Variants in SLC26A7 observed in about 807,000 individuals in gnomAD.
The protein encoded by SLC26A7 is solute carrier family 26 member 7.
In SLC26A7, 59 loss-of-function variants were observed where a neutral mutation model predicts 82.5. The ratio of observed to expected loss-of-function variants is 0.72; its 90% CI spans 0.58 to 0.89. SLC26A7 has a LOEUF of 0.89. Among genes scored for constraint, SLC26A7 ranks in the 40% least tolerant of loss-of-function variants. The pLI is 0.00. For missense variants in SLC26A7, 820 were observed against 793.0 expected (o/e 1.03, Z -0.41); for synonymous variants, 271 against 274.3 (o/e 0.99, Z 0.12).
intron 4 of SLC26A7, among the ~76,000 whole-genome samples, chr8:91,298,787 T>A (rs1812084231): frequency 6.6e-6 from 1 of 152,194 alleles, no homozygotes. Context: ...GCTATGTATG[T>A]GTATATCTGG....
intron 15 of SLC26A7, among the ~76,000 whole-genome samples, chr8:91,374,977 TA>T (rs1265167677): frequency 6.6e-6 from 1 of 152,122 alleles, no homozygotes; most frequent in East Asian, 1.9e-4. Context: ...TATCATTATA[TA>T]AGGCCCTTCT....
intron 2 of SLC26A7, among the ~76,000 whole-genome samples, chr8:91,235,189 G>T (rs1463535433): frequency 1.3e-5 from 2 of 152,172 alleles, no homozygotes; most frequent in Non-Finnish European, 2.9e-5. Flanking sequence ...CTCCTAAAGT[G>T]CTGGGATTAC....
At chr8:91,356,065 T>G (rs1813858645) in intron 11 of SLC26A7, among the ~76,000 whole-genome samples, 1 of 129,660 alleles carries the variant, frequency 7.7e-6, no homozygotes, top group Admixed American at 7.1e-5. Context: ...AACTCATCCT[T>G]TTTTATGGCT....
In SLC26A7 at chr8:91,302,815, T is replaced by C. The variant is rs566915611; in HGVS notation, c.477+7112T>C. Among the ~76,000 whole-genome samples the C allele has an allele frequency of 3.9e-5, 4 of 101,888 alleles. No individual in the cohort carries two copies. The East Asian group carries it at 1.0e-3, about 26-fold the overall frequency. The allele number at this position is 101,888 out of a possible 152,430, so 66.8% of individuals were successfully genotyped here. On this transcript the variant is annotated intron_variant, in intron 4 of 18. Transcript: ENST00000276609. ...AAATGAATGTAATGTCCCTTCCCCTTCTCTTTTTTTTTTTTTTTTGGTCTG... is the reference window on the plus strand; with the variant it reads ...AAATGAATGTAATGTCCCTTCCCCTCCTCTTTTTTTTTTTTTTTTGGTCTG...
At chr8:91,277,576 A>T (rs1285286305) in intron 2 of SLC26A7, among the ~76,000 whole-genome samples, 12 of 152,212 alleles carry the variant, frequency 7.9e-5, no homozygotes, top group African/African-American at 2.9e-4. Flanking sequence ...TTGCCACAAA[A>T]TACTGACATT....
At chr8:91,217,739 A>C (rs995282336) in intron 1 of SLC26A7, among the ~76,000 whole-genome samples, 2 of 152,226 alleles carry the variant, frequency 1.3e-5, no homozygotes, top group Non-Finnish European at 2.9e-5. Flanking sequence ...AATGGATCCC[A>C]GACAGGAAAA....
At chr8:91,213,784 CAG>C (rs943382138) in intron 1 of SLC26A7, among the ~76,000 whole-genome samples, 3 of 151,978 alleles carry the variant, frequency 2.0e-5, no homozygotes, top group African/African-American at 7.2e-5. Flanking sequence ...AGAAAGTAAA[CAG>C]AATGTTTTAG....
chr8:91,258,505 T>G (rs1810869790), intron 2 of SLC26A7, among the ~76,000 whole-genome samples: 1 of 152,038 alleles, frequency 6.6e-6, no homozygotes, highest in Admixed American at 6.6e-5. Context: ...AATTCTTCCC[T>G]CTTAATGTCT....
At chr8:91,394,239 G>T in intron 18 of SLC26A7, 200 bp downstream of exon 18, 1 of 1,613,310 alleles carries the variant, frequency 6.2e-7, no homozygotes, top group Non-Finnish European at 8.5e-7. Flanking sequence ...ACTGTTGTTT[G>T]ATAACTTGGA....
At position 91,363,465 on chromosome 8, in the gene SLC26A7, A is replaced by G. The variant is rs1814105135; in HGVS notation, c.1422-7A>G. 1.4e-6 allele frequency: 2 copies of G among 1,479,740 alleles called. No individual in the cohort carries two copies. Among genetic ancestry groups the G allele is most frequent in the South Asian group, 2.4e-5 (2 of 81,818 alleles). 91.7% of individuals were successfully genotyped at this position (1,479,740 alleles called of 1,614,324 possible). Reference sequence around the variant, plus strand: ...CTTGTTTTATTTTCTATCTGCTTTAATTTCAGAGCAATGACTGTAAGTATA... The same window carrying G: ...CTTGTTTTATTTTCTATCTGCTTTAGTTTCAGAGCAATGACTGTAAGTATA... On this transcript the variant is annotated splice_polypyrimidine_tract_variant and splice_region_variant and intron_variant, in intron 12 of 18. Transcript: ENST00000276609.
chr8:91,296,755 GTATTTTCTA>G (rs1812028134), intron 4 of SLC26A7, among the ~76,000 whole-genome samples: 2 of 152,180 alleles, frequency 1.3e-5, no homozygotes, highest in African/African-American at 4.8e-5. Context: ...GGACCAATCA[GTATTTTCTA>G]TGGCTTGTAT....
upstream of SLC26A7, among the ~76,000 whole-genome samples, chr8:91,248,642 T>C (rs1810581804): frequency 6.6e-6 from 1 of 151,992 alleles, no homozygotes; most frequent in African/African-American, 2.4e-5. Context: ...ACACCCCTTA[T>C]TAAAAAGAGA....
intron 2 of SLC26A7, among the ~76,000 whole-genome samples, chr8:91,286,369 A>T (rs1265862535): frequency 6.6e-6 from 1 of 152,200 alleles, no homozygotes; most frequent in Non-Finnish European, 1.5e-5. Flanking sequence ...TTTTCTTAAA[A>T]ATTTCATCTT....
chr8:91,379,379 A>T (rs1288794347), intron 15 of SLC26A7, among the ~76,000 whole-genome samples: 1 of 152,114 alleles, frequency 6.6e-6, no homozygotes, highest in Non-Finnish European at 1.5e-5. Context: ...GAAAAATATG[A>T]ACAAATGAAG....
At chr8:91,274,234 A>C (rs1045710478) in intron 2 of SLC26A7, among the ~76,000 whole-genome samples, 4 of 152,238 alleles carry the variant, frequency 2.6e-5, no homozygotes, top group African/African-American at 9.6e-5. Flanking sequence ...ATAAACTAGG[A>C]TATGACATTT....
chr8:91,220,466 G>T (rs967723768), intron 2 of SLC26A7, among the ~76,000 whole-genome samples: 1 of 150,396 alleles, frequency 6.6e-6, no homozygotes, highest in East Asian at 2.0e-4. Flanking sequence ...GTGGTTTGCC[G>T]CCCCTATTGA....
At chr8:91,227,952 T>A (rs1366177099) in intron 2 of SLC26A7, among the ~76,000 whole-genome samples, 1 of 152,236 alleles carries the variant, frequency 6.6e-6, no homozygotes, top group Non-Finnish European at 1.5e-5. Context: ...GCTAAAGAAC[T>A]GTTTTCCCTC....
At chr8:91,325,908 C>T (rs867362338) in intron 5 of SLC26A7, among the ~76,000 whole-genome samples, 1 of 152,072 alleles carries the variant, frequency 6.6e-6, no homozygotes, top group Non-Finnish European at 1.5e-5. Context: ...GTCTCTGGAG[C>T]CTTGGTTTCT....
At chr8:91,221,138 CAT>C (rs1810154453) in intron 2 of SLC26A7, among the ~76,000 whole-genome samples, 1 of 152,206 alleles carries the variant, frequency 6.6e-6, no homozygotes, top group Admixed American at 6.5e-5. Flanking sequence ...AGCTTTTCTT[CAT>C]ATGTTTGTTG....
Sources: allele counts gnomAD v4.1 joint callset (sites outside exome capture counted in the v4.1 genomes callset), GRCh38; gene constraint gnomAD v4.1.1; transcripts MANE v1.5; gene names NCBI Gene and HGNC (gene_info 2026-07-23, HGNC 2026-07-21).